The following GOLGA7 variants were observed in gnomAD, a reference collection of about 807,000 sequenced individuals.
GOLGA7 encodes the protein golgin A7, also known as golgin subfamily A member 7.
Under a neutral mutation model 21.1 loss-of-function variants are expected in GOLGA7, and 10 were observed. The ratio of observed to expected loss-of-function variants is 0.47; its 90% CI spans 0.29 to 0.80. GOLGA7 has a LOEUF of 0.80. Among genes scored for constraint, GOLGA7 ranks in the 30% least tolerant of loss-of-function variants. GOLGA7 has a pLI of 0.08. For synonymous variants in GOLGA7, 64 were observed against 62.6 expected, an observed-to-expected ratio of 1.02 and a Z score of -0.10; for missense variants, 114 against 166.8, an observed-to-expected ratio of 0.68 and a Z score of 1.74.
At chr8:41,499,782 C>G (rs1008815656) in intron 2 of GOLGA7, among the ~76,000 whole-genome samples, 2 of 152,258 alleles carry the variant, frequency 1.3e-5, no homozygotes, top group East Asian at 3.9e-4. Context: ...AGCATTTGGG[C>G]AGGAAAACAA....
chr8:41,499,529 G>A lies in GOLGA7; in HGVS notation c.264+1868G>A, dbSNP rs553386600. Reference sequence around the variant, plus strand: ...GATAGTTTTCCCCTGGAGTCAGGCCGCTCGATGACCGAACTCTTCTCCAAC... The same window carrying A: ...GATAGTTTTCCCCTGGAGTCAGGCCACTCGATGACCGAACTCTTCTCCAAC... On this transcript the variant is annotated intron_variant, in intron 2 of 4. Transcript: ENST00000357743. Among the ~76,000 whole-genome samples, 9 of 152,222 alleles carry A rather than the reference G, an allele frequency of 5.9e-5. 1 individual carries two copies. The highest frequency in any genetic ancestry group is 9.6e-5 in the African/African-American group (4 of 41,534).
At chr8:41,504,120 T>TAAAAAAA (rs58682911) in intron 2 of GOLGA7, among the ~76,000 whole-genome samples, 38 of 121,048 alleles carry the variant, frequency 3.1e-4, no homozygotes, top group African/African-American at 3.8e-4. Flanking sequence ...TAGAGTATAA[T>TAAAAAAA]AAAAAAAAAA....
At chr8:41,497,298 G>A (rs549817168) in intron 1 of GOLGA7, among the ~76,000 whole-genome samples, 4 of 152,044 alleles carry the variant, frequency 2.6e-5, no homozygotes, top group East Asian at 3.9e-4. Flanking sequence ...AAAGAATAAA[G>A]AAGTACCTTA....
chr8:41,497,707 A>G, intron 2 of GOLGA7, 46 bp downstream of exon 2: 1 of 1,059,628 alleles, frequency 9.4e-7, no homozygotes, highest in Non-Finnish European at 1.4e-6. Context: ...AATCATGAAG[A>G]AGGCAAGTTT....
chr8:41,495,221 A>G (rs1805980678), intron 1 of GOLGA7, among the ~76,000 whole-genome samples: 1 of 151,022 alleles, frequency 6.6e-6, no homozygotes, highest in Non-Finnish European at 1.5e-5. Context: ...AAAAAAAAAA[A>G]AAAAAGATTA....
At chr8:41,498,268 T>C (rs1806068980) in intron 2 of GOLGA7, among the ~76,000 whole-genome samples, 1 of 152,228 alleles carries the variant, frequency 6.6e-6, no homozygotes, top group Non-Finnish European at 1.5e-5. Flanking sequence ...ACTATTGAAA[T>C]AGTCTGACTT....
chr8:41,496,625 A>G (rs1347273335), intron 1 of GOLGA7, among the ~76,000 whole-genome samples: 1 of 151,104 alleles, frequency 6.6e-6, no homozygotes, highest in Non-Finnish European at 1.5e-5. Flanking sequence ...TATAGAACCT[A>G]CGCCTTTTGA....
chr8:41,493,569 C>T (rs1002075502), intron 1 of GOLGA7, among the ~76,000 whole-genome samples: 1 of 152,196 alleles, frequency 6.6e-6, no homozygotes, highest in African/African-American at 2.4e-5. Context: ...CCTTAAAATA[C>T]AGATATCTTA....
chr8:41,491,581 T>A (rs944077477), intron 1 of GOLGA7, among the ~76,000 whole-genome samples: 7 of 151,584 alleles, frequency 4.6e-5, no homozygotes, highest in African/African-American at 1.7e-4. Flanking sequence ...GTCTTGCATA[T>A]CAAAATGGTC....
chr8:41,492,791 A>G (rs761780286), intron 1 of GOLGA7, among the ~76,000 whole-genome samples: 2 of 152,238 alleles, frequency 1.3e-5, no homozygotes, highest in Non-Finnish European at 1.5e-5. Flanking sequence ...TTTTTTTACC[A>G]CAATTATTTG....
chr8:41,493,886 T>C (rs1438749300), intron 1 of GOLGA7, among the ~76,000 whole-genome samples: 1 of 152,236 alleles, frequency 6.6e-6, no homozygotes, highest in Non-Finnish European at 1.5e-5. Flanking sequence ...GGGAGAACAC[T>C]GGCCACTGTT....
chr8:41,508,338 C>T (rs1806338853), intron 4 of GOLGA7, among the ~76,000 whole-genome samples: 1 of 152,196 alleles, frequency 6.6e-6, no homozygotes, highest in Non-Finnish European at 1.5e-5. Flanking sequence ...TCCAGAGCTG[C>T]CTTCTTTAGC....
intron 1 of GOLGA7, among the ~76,000 whole-genome samples, chr8:41,492,327 T>C (rs1805902880): frequency 6.6e-6 from 1 of 152,214 alleles, no homozygotes. Context: ...TGTTTTAAAA[T>C]AATTTAACAT....
At position 41,502,330 on chromosome 8, in the gene GOLGA7, G is replaced by A. The variant is rs543859959; in HGVS notation, c.265-3581G>A. Among the ~76,000 whole-genome samples, 1,011 of 152,260 alleles carry A rather than the reference G, an allele frequency of 6.6e-3. 15 individuals are homozygous for A. Among genetic ancestry groups the A allele is most frequent in the Non-Finnish European group, 9.1e-3 (620 of 68,018 alleles). On this transcript the variant is annotated intron_variant, in intron 2 of 4. Coordinates refer to ENST00000357743, the MANE Select transcript of GOLGA7 (RefSeq NM_001002296.2). ...TTTAGTCTCTATTGTTTTAAACACC[G>A]AAATTCCTAGTCTACAAACAGTAAG...
chr8:41,499,136 C>T (rs143231780), intron 2 of GOLGA7, among the ~76,000 whole-genome samples: 1 of 152,262 alleles, frequency 6.6e-6, no homozygotes, highest in East Asian at 1.9e-4. Flanking sequence ...TCTTGTCCCC[C>T]TCGCAGGGCG....
intron 4 of GOLGA7, among the ~76,000 whole-genome samples, chr8:41,508,584 T>G (rs528208690): frequency 2.3e-4 from 35 of 152,362 alleles, no homozygotes; most frequent in South Asian, 4.1e-4. Context: ...TGCGATGACT[T>G]GGCACAGCCC....
intron 1 of GOLGA7, among the ~76,000 whole-genome samples, chr8:41,492,772 A>C (rs1272055483): frequency 6.6e-6 from 1 of 152,250 alleles, no homozygotes; most frequent in African/African-American, 2.4e-5. Context: ...ATCAGAATAT[A>C]AAGTATTCTT....
intron 2 of GOLGA7, among the ~76,000 whole-genome samples, chr8:41,500,420 G>C (rs1806121908): frequency 1.3e-5 from 2 of 152,162 alleles, no homozygotes; most frequent in South Asian, 4.1e-4. Flanking sequence ...ACTGAGAGAA[G>C]GTGATGCACA....
At chr8:41,504,120 T>A (rs28754270) in intron 2 of GOLGA7, among the ~76,000 whole-genome samples, 449 of 121,006 alleles carry the variant, frequency 3.7e-3, no homozygotes, top group South Asian at 4.8e-3. Flanking sequence ...TAGAGTATAA[T>A]AAAAAAAAAA....
Sources: gnomAD v4.1 joint callset for allele counts (sites outside exome capture counted in the v4.1 genomes callset) on GRCh38, gnomAD v4.1.1 for gene constraint, MANE v1.5 for transcripts, NCBI Gene and HGNC (gene_info 2026-07-23, HGNC 2026-07-21) for gene names.